The following PRKCQ variants were observed in gnomAD, a reference collection of about 807,000 sequenced individuals.
The protein encoded by PRKCQ is protein kinase C theta, also known as protein kinase C theta type.
Under a neutral mutation model 91.2 loss-of-function variants are expected in PRKCQ, and 41 were observed. The ratio of observed to expected loss-of-function variants is 0.45; its 90% CI spans 0.35 to 0.58. PRKCQ has a LOEUF of 0.58. Ranked by LOEUF, PRKCQ falls within the 20% of genes least tolerant of loss-of-function variation. The pLI, the probability that PRKCQ is intolerant of heterozygous loss-of-function variation, is 0.00. For synonymous variants in PRKCQ, 307 were observed against 316.9 expected (o/e 0.97, Z 0.33); for missense variants, 673 against 896.5 (o/e 0.75, Z 3.18).
intron 10 of PRKCQ, 79 bp downstream of exon 10, chr10:6,485,073 C>A: frequency 1.5e-6 from 2 of 1,307,908 alleles, no homozygotes; most frequent in Non-Finnish European, 2.2e-6. Context: ...AAGCTGATAA[C>A]TTAAATCCAA....
At chr10:6,491,135 G>GCT (rs1837273403) in intron 8 of PRKCQ, among the ~76,000 whole-genome samples, 1 of 152,218 alleles carries the variant, frequency 6.6e-6, no homozygotes. Context: ...CTCTTACTGG[G>GCT]CACTTGGAGT....
chr10:6,428,878 C>G (rs77567992), intron 17 of PRKCQ, among the ~76,000 whole-genome samples: 2,984 of 152,276 alleles, frequency 0.02, 82 homozygotes, highest in African/African-American at 0.054. Context: ...TAGTAAGTAT[C>G]TTGGGCTTTT....
chr10:6,459,784 T>C (rs1416813303), intron 14 of PRKCQ, among the ~76,000 whole-genome samples: 4 of 152,326 alleles, frequency 2.6e-5, no homozygotes, highest in Admixed American at 1.3e-4. Context: ...GGTGGGGGCA[T>C]GGCCCTGCCC....
At chr10:6,408,140 G>A in the PRKCQ span, among the ~76,000 whole-genome samples, 1 of 131,632 alleles carries the variant, frequency 7.6e-6, no homozygotes, top group African/African-American at 2.9e-5. Context: ...CTTTTAAGTT[G>A]TATTGGACCT....
chr10:6,492,238 T>TAAAAA (rs5782902), intron 7 of PRKCQ, among the ~76,000 whole-genome samples: 1 of 147,326 alleles, frequency 6.8e-6, no homozygotes, highest in Non-Finnish European at 1.5e-5. Flanking sequence ...TTGGAAGATG[T>TAAAAA]AAAAAAAAAA....
At chr10:6,558,191 A>G in intron 1 of PRKCQ, among the ~76,000 whole-genome samples, 2 of 152,184 alleles carry the variant, frequency 1.3e-5, no homozygotes, top group East Asian at 3.8e-4. Context: ...TTACAGATCA[A>G]CTTCAAAATT....
Position 6,486,960 on chromosome 10 carries a change from A to T in PRKCQ, c.791-816T>A, listed in dbSNP as rs116277307. On this transcript the variant is annotated intron_variant, in intron 8 of 17. Coordinates refer to ENST00000263125, the MANE Select transcript of PRKCQ (RefSeq NM_006257.5). ...AGGTCACGGCAGAACACACCTAGCA[A>T]GACTGGACCAGGCATGAGGACCTCA... is the stretch of plus-strand genomic sequence containing the variant. Among the ~76,000 whole-genome samples the T allele has an allele frequency of 5.4e-3, 818 of 152,306 alleles. 8 individuals are homozygous for T. The highest frequency in any genetic ancestry group is 0.019 in the African/African-American group (770 of 41,566).
chr10:6,519,247 C>A (rs1838902530), intron 1 of PRKCQ, among the ~76,000 whole-genome samples: 1 of 152,136 alleles, frequency 6.6e-6, no homozygotes, highest in Admixed American at 6.5e-5. Context: ...GCTGGAATAG[C>A]CTGCCTCAGG....
At chr10:6,486,917 G>C (rs1836958857) in intron 8 of PRKCQ, among the ~76,000 whole-genome samples, 1 of 152,210 alleles carries the variant, frequency 6.6e-6, no homozygotes. Context: ...AGTAGGAGGA[G>C]GCTAGCAATG....
chr10:6,548,276 C>G (rs2130929084), intron 1 of PRKCQ, among the ~76,000 whole-genome samples: 1 of 151,804 alleles, frequency 6.6e-6, no homozygotes, highest in Admixed American at 6.6e-5. Flanking sequence ...CACTTTTACA[C>G]TGTTGGTGGG....
chr10:6,416,864 C>T, the PRKCQ span, among the ~76,000 whole-genome samples: 1 of 152,192 alleles, frequency 6.6e-6, no homozygotes, highest in African/African-American at 2.4e-5. Context: ...CACCACATCC[C>T]TGCCAACATC....
At chr10:6,553,512 A>AC (rs375879407) in intron 1 of PRKCQ, among the ~76,000 whole-genome samples, 1 of 140,804 alleles carries the variant, frequency 7.1e-6, no homozygotes, top group African/African-American at 2.7e-5. Flanking sequence ...AAAAAAAAAA[A>AC]AAAAACAAAC....
At chr10:6,556,942 T>C (rs1275351543) in intron 1 of PRKCQ, among the ~76,000 whole-genome samples, 2 of 152,170 alleles carry the variant, frequency 1.3e-5, no homozygotes, top group Non-Finnish European at 2.9e-5. Context: ...GTTCAACTTA[T>C]CCCAGTCTCC....
chr10:6,441,470 T>C (rs1464438571), intron 16 of PRKCQ, among the ~76,000 whole-genome samples: 2 of 150,586 alleles, frequency 1.3e-5, no homozygotes, highest in African/African-American at 2.4e-5. Context: ...CTTTTTTTTT[T>C]CCCCTTTATT....
At chr10:6,500,322 G>A (rs1837835889) in intron 4 of PRKCQ, among the ~76,000 whole-genome samples, 2 of 151,932 alleles carry the variant, frequency 1.3e-5, no homozygotes, top group Admixed American at 1.3e-4. Flanking sequence ...GGGAATGAAA[G>A]TGAATTATTA....
intron 1 of PRKCQ, among the ~76,000 whole-genome samples, chr10:6,551,241 G>A (rs1235454996): frequency 6.6e-6 from 1 of 152,074 alleles, no homozygotes; most frequent in African/African-American, 2.4e-5. Context: ...ACTTATAAGT[G>A]AGAACATGCC....
intron 1 of PRKCQ, among the ~76,000 whole-genome samples, chr10:6,527,522 C>G (rs964307186): frequency 6.6e-6 from 1 of 152,096 alleles, no homozygotes; most frequent in Non-Finnish European, 1.5e-5. Flanking sequence ...CATCCCTGTA[C>G]CCCAGGAAGA....
rs74693583 is a variant in PRKCQ, at chr10:6,558,717, G to A, written c.-10+21494C>T. 8.5e-3 allele frequency among the ~76,000 whole-genome samples: 1,302 copies of A among 152,334 alleles called. 14 individuals carry two copies. Among genetic ancestry groups the A allele is most frequent in the African/African-American group, 0.029 (1,223 of 41,576 alleles). ...CTTGTGAGGAGGTGGTCACCGTGAT[G>A]CAGGAAGAGAAATAAGATTTTAAAG... On this transcript the variant is annotated intron_variant, in intron 1 of 17. Transcript: ENST00000263125.
chr10:6,547,470 T>G (rs1452575729), intron 1 of PRKCQ, among the ~76,000 whole-genome samples: 1 of 152,104 alleles, frequency 6.6e-6, no homozygotes, highest in African/African-American at 2.4e-5. Flanking sequence ...TCACACTACC[T>G]GACTTCAAAC....
Sources: allele counts gnomAD v4.1 joint callset (sites outside exome capture counted in the v4.1 genomes callset), GRCh38; gene constraint gnomAD v4.1.1; transcripts MANE v1.5; gene names NCBI Gene and HGNC (gene_info 2026-07-23, HGNC 2026-07-21).